The following PECR variants were observed in gnomAD, a reference collection of about 807,000 sequenced individuals.
The protein encoded by PECR is 2,4-dienoyl-CoA reductase-related protein.
Under a neutral mutation model 35.3 loss-of-function variants are expected in PECR, and 30 were observed. The ratio of observed to expected loss-of-function variants is 0.85; its 90% CI spans 0.64 to 1.15. The LOEUF is 1.15. PECR is among the 50% of genes most tolerant of loss of function. The pLI, the probability that PECR is intolerant of heterozygous loss-of-function variation, is 0.00. For missense variants in PECR, 392 were observed against 370.8 expected (o/e 1.06, Z -0.47); for synonymous variants, 148 against 138.9 (o/e 1.07, Z -0.46).
Position 216,066,396 on chromosome 2 carries a change from T to A in PECR, c.247A>T (p.Asn83Tyr). The A allele has an allele frequency of 1.2e-6, 2 of 1,613,396 alleles. No individual in the cohort carries two copies. Among genetic ancestry groups the A allele is most frequent in the Non-Finnish European group, 1.7e-6 (2 of 1,179,308 alleles). The change falls in exon 2 of 8, where the codon AAT (asparagine) becomes TAT (tyrosine). Residue 83 changes from asparagine (N) to tyrosine (Y), a missense_variant. By Grantham distance (143) the Asn-to-Tyr change is moderately radical. Transcript: ENST00000265322. ...RVIPIQCNIR[N>Y]EEEVNNLVKS... is the part of the protein sequence containing the mutation. ...TATATCTCCATTACCTCCTCCTCAT[T>A]CCGGATGTTGCATTGTATGGGAATG...
chr2:216,066,014 C>T (rs1407050639), intron 2 of PECR, among the ~76,000 whole-genome samples: 3 of 152,146 alleles, frequency 2.0e-5, no homozygotes, highest in African/African-American at 7.2e-5. Flanking sequence ...GTCCCAGCTA[C>T]TCAGGAGGCT....
At chr2:216,080,803 C>G (rs952203561) in intron 1 of PECR, among the ~76,000 whole-genome samples, 4 of 152,096 alleles carry the variant, frequency 2.6e-5, no homozygotes, top group Admixed American at 1.3e-4. Context: ...TACCATTAGT[C>G]TAATTTTTCT....
chr2:216,034,508 A>AT (rs777319281), downstream of PECR, among the ~76,000 whole-genome samples: 21 of 152,162 alleles, frequency 1.4e-4, no homozygotes, highest in East Asian at 7.7e-4. Flanking sequence ...GCAGTCTGTG[A>AT]TATTTTTTTT....
At chr2:216,069,022 TAAG>T (rs1165101378) in intron 1 of PECR, among the ~76,000 whole-genome samples, 2 of 152,102 alleles carry the variant, frequency 1.3e-5, no homozygotes, top group Non-Finnish European at 1.5e-5. Context: ...GCACAATGGC[TAAG>T]AAGGGGAAAT....
intron 4 of PECR, among the ~76,000 whole-genome samples, chr2:216,053,344 C>T (rs1032918791): frequency 1.2e-4 from 18 of 151,146 alleles, no homozygotes; most frequent in African/African-American, 3.2e-4. Flanking sequence ...CCTGGGTTCA[C>T]GCCATTCTCC....
At chr2:216,078,810 T>TG (rs2105972215) in intron 1 of PECR, among the ~76,000 whole-genome samples, 1 of 152,354 alleles carries the variant, frequency 6.6e-6, no homozygotes, top group South Asian at 2.1e-4. Context: ...AAATATAGTC[T>TG]ATCACCTTAT....
chr2:216,039,480 C>G, intron 7 of PECR, 120 bp from the exon 8 acceptor site: 1 of 720,042 alleles, frequency 1.4e-6, no homozygotes, highest in East Asian at 2.6e-5. Context: ...AAAAATAAAT[C>G]CTTAGGGCAA....
chr2:216,065,778 G>A (rs952808417), intron 2 of PECR, among the ~76,000 whole-genome samples: 1 of 152,220 alleles, frequency 6.6e-6, no homozygotes, highest in African/African-American at 2.4e-5. Flanking sequence ...TAATTTGACA[G>A]CTACCAACCC....
intron 3 of PECR, among the ~76,000 whole-genome samples, chr2:216,061,005 G>A (rs1695333449): frequency 6.6e-6 from 1 of 151,662 alleles, no homozygotes; most frequent in Non-Finnish European, 1.5e-5. Flanking sequence ...AATCAAAAAT[G>A]GAATGAGCCG....
Position 216,049,360 on chromosome 2 carries a change from G to C in PECR, c.617C>G (p.Ser206Cys), listed in dbSNP as rs1484580310. Residue 206 changes from serine (S) to cysteine (C), a missense_variant, in exon 6 of 8, where the codon TCC becomes TGC. Transcript: ENST00000265322. ...INCVAPGVIY[S>C]QTAVENYGSW... is the part of the protein sequence containing the mutation. Reference sequence around the variant, plus strand: ...ACCATAGTTCTCCACAGCAGTCTGGGAATAAATAACTCCCTGTGTTTAAAA... The same window carrying C: ...ACCATAGTTCTCCACAGCAGTCTGGCAATAAATAACTCCCTGTGTTTAAAA... 1 of 1,502,766 alleles carries C rather than the reference G, an allele frequency of 6.7e-7. No individual in the cohort carries two copies. Among genetic ancestry groups the C allele is most frequent in the Non-Finnish European group, 9.3e-7 (1 of 1,078,584 alleles). The allele number at this position is 1,502,766 out of a possible 1,614,324, so 93.1% of individuals were successfully genotyped here. A position where few individuals can be genotyped will look rare whatever the true frequency, so the allele number is the denominator to read the frequency against.
intron 4 of PECR, chr2:216,058,065 A>G (rs1247783850): frequency 6.6e-6 from 1 of 152,224 alleles, no homozygotes; most frequent in African/African-American, 2.4e-5. Flanking sequence ...TCCTGCTAAC[A>G]TTGTGGCTGA....
In PECR at chr2:216,043,033, G is replaced by GTA. The variant is rs1329843113; in HGVS notation, c.826+869_826+870dup. Among the ~76,000 whole-genome samples the GTA allele has an allele frequency of 4.2e-5, 5 of 120,000 alleles. 1 individual carries two copies. The highest frequency in any genetic ancestry group is 1.3e-4 in the African/African-American group (4 of 31,074). 78.7% of individuals were successfully genotyped at this position (120,000 alleles called of 152,430 possible). A position where few individuals can be genotyped will look rare whatever the true frequency, so the allele number is the denominator to read the frequency against. ...TATATATATACACATACGTATATAT[G>GTA]TATGTGTATATATATATACACATAC... On this transcript the variant is annotated intron_variant, in intron 7 of 7. Transcript: ENST00000265322.
At chr2:216,073,103 C>A (rs1390169094) in intron 1 of PECR, among the ~76,000 whole-genome samples, 1 of 152,162 alleles carries the variant, frequency 6.6e-6, no homozygotes, top group Non-Finnish European at 1.5e-5. Flanking sequence ...ACCATAAGTT[C>A]CTTGTAAGCC....
chr2:216,038,905 G>A lies in PECR; in HGVS notation c.*370C>T, dbSNP rs796808118. ...CTCCCAAAGTGCTGGAATTACAGGCGTGAGCCACTGCGTCTGGCCTCTACC... is the reference window on the plus strand; with the variant it reads ...CTCCCAAAGTGCTGGAATTACAGGCATGAGCCACTGCGTCTGGCCTCTACC... On this transcript the variant is annotated 3_prime_UTR_variant, in exon 8 of 8. Coordinates refer to ENST00000265322, the MANE Select transcript of PECR (RefSeq NM_018441.6). 4.7e-5 allele frequency: 11 copies of A among 233,526 alleles called. No homozygotes were observed. The highest frequency in any genetic ancestry group is 1.2e-4 in the African/African-American group (5 of 42,720). 14.5% of individuals were successfully genotyped at this position (233,526 alleles called of 1,614,324 possible).
At chr2:216,067,227 T>C (rs1281069620) in intron 1 of PECR, among the ~76,000 whole-genome samples, 1 of 152,078 alleles carries the variant, frequency 6.6e-6, no homozygotes, top group Admixed American at 6.6e-5. Flanking sequence ...GAGCGAGAAC[T>C]CCAGAGATCT....
At chr2:216,037,049 T>C (rs1694805284), downstream of PECR, among the ~76,000 whole-genome samples, 1 of 151,908 alleles carries the variant, frequency 6.6e-6, no homozygotes, top group South Asian at 2.1e-4. Flanking sequence ...ACAAGATACA[T>C]GTGTATTTTT....
intron 7 of PECR, among the ~76,000 whole-genome samples, chr2:216,041,496 AAAATTAAAGT>A (rs1694885406): frequency 6.6e-6 from 1 of 151,434 alleles, no homozygotes; most frequent in Non-Finnish European, 1.5e-5. Flanking sequence ...AATAATAAGT[AAAATTAAAGT>A]TCTATACTGT....
intron 1 of PECR, among the ~76,000 whole-genome samples, chr2:216,077,806 CA>C (rs10596402): frequency 0.15 from 11,355 of 73,496 alleles, 706 homozygotes; most frequent in East Asian, 0.5. Flanking sequence ...GACTCCGTCT[CA>C]AAAAAAAAAA....
At chr2:216,048,632 C>T (rs1695041953) in intron 6 of PECR, among the ~76,000 whole-genome samples, 2 of 151,808 alleles carry the variant, frequency 1.3e-5, no homozygotes, top group Non-Finnish European at 2.9e-5. Context: ...ATTGCTTGAA[C>T]CCAGGAGGTG....
Sources: gnomAD v4.1 joint callset for allele counts (sites outside exome capture counted in the v4.1 genomes callset) on GRCh38, gnomAD v4.1.1 for gene constraint, MANE v1.5 for transcripts, NCBI Gene and HGNC (gene_info 2026-07-23, HGNC 2026-07-21) for gene names.